Variants in SIAH1 observed in about 807,000 individuals in gnomAD.
The protein encoded by SIAH1 is siah E3 ubiquitin protein ligase 1, also known as E3 ubiquitin-protein ligase SIAH1.
SIAH1 carries 2 observed loss-of-function variants against 20.0 expected under a neutral mutation model. The observed-to-expected ratio is 0.10, with a 90% CI of 0.04 to 0.31. The LOEUF (loss-of-function observed/expected upper bound fraction) is 0.31. SIAH1 is among the 10% of genes least tolerant of loss of function. SIAH1 has a pLI of 1.00. For synonymous variants in SIAH1, 118 were observed against 125.3 expected, an observed-to-expected ratio of 0.94 and a Z score of 0.39; for missense variants, 119 against 355.3, an observed-to-expected ratio of 0.33 and a Z score of 5.35.
intron 1 of SIAH1, chr16:48,366,017 G>C (rs1225997777): frequency 9.3e-6 from 6 of 646,476 alleles, no homozygotes; most frequent in Non-Finnish European, 1.2e-5. Flanking sequence ...TGCCCGTCTT[G>C]CTCGCGCAAG....
intron 1 of SIAH1, among the ~76,000 whole-genome samples, chr16:48,366,981 A>T (rs1254063199): frequency 2.0e-5 from 3 of 152,028 alleles, no homozygotes; most frequent in African/African-American, 7.3e-5. Flanking sequence ...ATCTCCACTC[A>T]CCGCAGCCTC....
At chr16:48,384,045 G>A (rs952138633) in intron 1 of SIAH1, among the ~76,000 whole-genome samples, 13 of 152,214 alleles carry the variant, frequency 8.5e-5, no homozygotes, top group African/African-American at 2.9e-4. Context: ...GCGAAGCACA[G>A]AGAAGTATCT....
chr16:48,366,060 G>A (rs1271305902), intron 1 of SIAH1, among the ~76,000 whole-genome samples: 9 of 152,076 alleles, frequency 5.9e-5, no homozygotes, highest in Admixed American at 5.9e-4. Flanking sequence ...CCGCCCCCCA[G>A]CCAAAGGCCG....
intron 1 of SIAH1, among the ~76,000 whole-genome samples, chr16:48,377,293 A>C (rs1961134878): frequency 6.6e-6 from 1 of 152,250 alleles, no homozygotes; most frequent in South Asian, 2.1e-4. Flanking sequence ...AAGTCAGTTC[A>C]AACATGACTG....
At chr16:48,369,393 A>G (rs1385778123) in intron 1 of SIAH1, among the ~76,000 whole-genome samples, 1 of 152,212 alleles carries the variant, frequency 6.6e-6, no homozygotes, top group Non-Finnish European at 1.5e-5. Flanking sequence ...TGTTCAAAGC[A>G]AAATACAACA....
At chr16:48,380,902 C>G (rs34938161) in intron 1 of SIAH1, among the ~76,000 whole-genome samples, 2 of 107,000 alleles carry the variant, frequency 1.9e-5, no homozygotes, top group South Asian at 6.7e-4. Context: ...GCACTCCAGC[C>G]TGGGCGACAG....
rs891040012 is a variant in SIAH1 at position 48,362,663 on chromosome 16, A to G, written c.-2-233T>C. On this transcript the variant is annotated intron_variant, in intron 1 of 1. Transcript: ENST00000394725. This position sits in a 1 kb window ranked among gnomAD's most constrained non-coding sequence, Gnocchi z 4.2. ...CTCTTTTCAAAATGTTCCGGAAAACATGTGGAACTCCCTTAATCGTCTTTG... is the reference window on the plus strand; with the variant it reads ...CTCTTTTCAAAATGTTCCGGAAAACGTGTGGAACTCCCTTAATCGTCTTTG... 1 of 489,172 alleles carries G rather than the reference A, an allele frequency of 2.0e-6. No homozygotes were observed. The highest frequency in any genetic ancestry group is 2.0e-5 in the African/African-American group (1 of 50,938). 30.3% of individuals were successfully genotyped at this position (489,172 alleles called of 1,614,324 possible). A position where few individuals can be genotyped will look rare whatever the true frequency, so the allele number is the denominator to read the frequency against.
In SIAH1 at chr16:48,365,534, T is replaced by G. The variant is rs74017935; in HGVS notation, c.-2-3104A>C. 1.0e-3 allele frequency: 1,632 copies of G among 1,582,282 alleles called. 16 individuals carry two copies. The African/African-American group carries it at 0.019, about 18-fold the overall frequency. On this transcript the variant is annotated intron_variant, in intron 1 of 1. Transcript: ENST00000394725. The stretch of plus-strand genomic sequence containing the variant: ...AAGAAGTAAAGGAACAGGCCCCTCC[T>G]GGGCTCTTTCTGCTCCTAAGCACAG...
At chr16:48,363,188 A>G (rs575743827) in intron 1 of SIAH1, 1 of 167,102 alleles carries the variant, frequency 6.0e-6, no homozygotes, top group Non-Finnish European at 1.5e-5. Context: ...ATGCCAAAGA[A>G]TCAGAGTATC....
rs114560613 is a variant in SIAH1 at position 48,362,790 on chromosome 16, G to A, written c.-2-360C>T. On this transcript the variant is annotated intron_variant, in intron 1 of 1. Transcript: ENST00000394725. The surrounding 1 kb of genome is among the most constrained non-coding windows in gnomAD (Gnocchi z 4.2). The stretch of plus-strand genomic sequence containing the variant: ...AAGTTTAATCGAATCCGTTTTGCTA[G>A]GACTCTCCCTGAGGCTCCCTTACTC... 6 of 217,680 alleles carry A rather than the reference G, an allele frequency of 2.8e-5. No homozygotes were observed. The highest frequency in any genetic ancestry group is 1.1e-4 in the Admixed American group (2 of 18,548). The allele number at this position is 217,680 out of a possible 1,614,324, so 13.5% of individuals were successfully genotyped here.
In SIAH1 at chr16:48,385,376, C is replaced by CA. The variant is rs1472461041; in HGVS notation, c.-176_-175insT. ...CCCCGCAACGGCCGCCCCGGCTCCC[C>CA]CCTGGCCGCCGCCGCCGCCGCCGTT... On this transcript the variant is annotated 5_prime_UTR_variant, in exon 1 of 2. Transcript: ENST00000394725. 3 of 149,448 alleles carry CA rather than the reference C, an allele frequency of 2.0e-5. No individual in the cohort carries two copies. Among genetic ancestry groups the CA allele is most frequent in the Non-Finnish European group, 2.8e-5 (2 of 71,002 alleles). 9.3% of individuals were successfully genotyped at this position (149,448 alleles called of 1,614,324 possible). A position where few individuals can be genotyped will look rare whatever the true frequency, so the allele number is the denominator to read the frequency against.
intron 1 of SIAH1, among the ~76,000 whole-genome samples, chr16:48,384,801 G>C (rs980050227): frequency 4.0e-5 from 6 of 150,400 alleles, no homozygotes; most frequent in South Asian, 2.1e-4. Context: ...CGCACACCCC[G>C]GGACCCTCCA....
At chr16:48,379,490 C>T (rs150391715) in intron 1 of SIAH1, among the ~76,000 whole-genome samples, 6 of 152,196 alleles carry the variant, frequency 3.9e-5, no homozygotes, top group African/African-American at 7.2e-5. Flanking sequence ...GTAAGAAACA[C>T]TATGCCTTGG....
At chr16:48,370,708 A>C (rs947602975) in intron 1 of SIAH1, among the ~76,000 whole-genome samples, 5 of 151,688 alleles carry the variant, frequency 3.3e-5, no homozygotes, top group African/African-American at 4.8e-5. Context: ...CGGGAGACTG[A>C]GGCAGGAGAA....
chr16:48,373,750 C>T (rs1012631103), intron 1 of SIAH1, among the ~76,000 whole-genome samples: 4 of 152,176 alleles, frequency 2.6e-5, no homozygotes, highest in Non-Finnish European at 4.4e-5. Context: ...CGCTGGCTAC[C>T]CATGTTAGAG....
chr16:48,369,633 T>TTGGGAGGCTGAGG (rs1189982298), intron 1 of SIAH1, among the ~76,000 whole-genome samples: 8 of 152,220 alleles, frequency 5.3e-5, no homozygotes, highest in African/African-American at 1.9e-4. Context: ...AGCCAGCTAT[T>TTGGGAGGCTGAGG]TGGGAGGCTG....
chr16:48,371,342 T>TA (rs1057343496), intron 1 of SIAH1, among the ~76,000 whole-genome samples: 1 of 152,200 alleles, frequency 6.6e-6, no homozygotes, highest in Non-Finnish European at 1.5e-5. Flanking sequence ...TGAATAACCC[T>TA]AAAAAAATCA....
At chr16:48,386,855 TG>T (rs942021034), upstream of SIAH1, among the ~76,000 whole-genome samples, 2 of 152,218 alleles carry the variant, frequency 1.3e-5, no homozygotes, top group Non-Finnish European at 2.9e-5. Flanking sequence ...CCAGAACCCC[TG>T]GGCCGCTCTG....
At position 48,362,692 on chromosome 16, in the gene SIAH1, A is replaced by G. The variant is rs1960643046; in HGVS notation, c.-2-262T>C. 5.3e-6 allele frequency: 2 copies of G among 375,084 alleles called. No individual in the cohort carries two copies. 23.2% of individuals were successfully genotyped at this position (375,084 alleles called of 1,614,324 possible). A position where few individuals can be genotyped will look rare whatever the true frequency, so the allele number is the denominator to read the frequency against. On this transcript the variant is annotated intron_variant, in intron 1 of 1. Transcript: ENST00000394725. The surrounding 1 kb of genome is among the most constrained non-coding windows in gnomAD (Gnocchi z 4.2). ...GGAACTCCCTTAATCGTCTTTGGATAGACTACATAGAATAATAAATGCTAA... is the reference window on the plus strand; with the variant it reads ...GGAACTCCCTTAATCGTCTTTGGATGGACTACATAGAATAATAAATGCTAA...
Sources: gnomAD v4.1 joint callset for allele counts (sites outside exome capture counted in the v4.1 genomes callset) on GRCh38, gnomAD v4.1.1 for gene constraint, Gnocchi (gnomAD v3.1) non-coding constraint, MANE v1.5 for transcripts, NCBI Gene and HGNC (gene_info 2026-07-23, HGNC 2026-07-21) for gene names.